Variants in ANK2 observed in about 807,000 individuals in gnomAD.
ANK2 encodes the protein ankyrin 2.
ANK2 carries 83 observed loss-of-function variants against 360.5 expected under a neutral mutation model. The observed-to-expected ratio is 0.23, with a 90% CI of 0.19 to 0.28. The LOEUF (loss-of-function observed/expected upper bound fraction) is 0.28, where lower values mean the gene tolerates loss of function less well. ANK2 is among the 10% of genes least tolerant of loss of function. ANK2 has a pLI of 1.00. For missense variants in ANK2, 4,201 were observed against 4,795.7 expected, an observed-to-expected ratio of 0.88 and a Z score of 3.66; for synonymous variants, 1,740 against 1,759.5, an observed-to-expected ratio of 0.99 and a Z score of 0.28.
intron 1 of ANK2, among the ~76,000 whole-genome samples, chr4:113,171,497 T>A (rs1480497029): frequency 6.6e-6 from 1 of 152,256 alleles, no homozygotes; most frequent in Non-Finnish European, 1.5e-5. Context: ...GACCATTTTA[T>A]GATAATATTT....
chr4:112,858,598 G>T (rs547915799), intron 1 of ANK2, among the ~76,000 whole-genome samples: 1 of 152,124 alleles, frequency 6.6e-6, no homozygotes, highest in Admixed American at 6.6e-5. Flanking sequence ...TCTGTTCTTC[G>T]CATTCTTAGT....
the ANK2 span, chr4:112,738,815 G>A: frequency 1.6e-6 from 1 of 626,924 alleles, no homozygotes; most frequent in Non-Finnish European, 3.0e-6. Context: ...TTCATAGAAG[G>A]TTCAAGGCCC....
intron 22 of ANK2, among the ~76,000 whole-genome samples, chr4:113,293,950 C>T (rs1282469363): frequency 6.6e-6 from 1 of 152,218 alleles, no homozygotes; most frequent in Non-Finnish European, 1.5e-5. Flanking sequence ...CTCCTCCCAA[C>T]ACTGTGCTCA....
At chr4:113,139,509 G>T (rs1163884770) in intron 1 of ANK2, among the ~76,000 whole-genome samples, 2 of 152,312 alleles carry the variant, frequency 1.3e-5, no homozygotes, top group Admixed American at 1.3e-4. Context: ...TAGTTCATCA[G>T]TTTGGGGGGA....
chr4:112,809,743 A>T, the ANK2 span, among the ~76,000 whole-genome samples: 1 of 148,990 alleles, frequency 6.7e-6, no homozygotes, highest in African/African-American at 2.5e-5. Context: ...CTGAGGTGGG[A>T]GGATCACCTG....
chr4:113,232,158 C>A lies in ANK2; in HGVS notation c.385-3C>A. ...GGTGTCTTTTTTTATTGCTTGTCCT[C>A]AGAATGGCTTTACTCCTTTATACAT... On this transcript the variant is annotated splice_region_variant and splice_polypyrimidine_tract_variant and intron_variant, in intron 4 of 45. Transcript: ENST00000357077. The A allele has an allele frequency of 6.4e-7, 1 of 1,567,244 alleles. No homozygotes were observed. Among genetic ancestry groups the A allele is most frequent in the Non-Finnish European group, 8.8e-7 (1 of 1,137,632 alleles).
chr4:113,000,210 T>G (rs2050123567), intron 2 of ANK2, among the ~76,000 whole-genome samples: 1 of 152,174 alleles, frequency 6.6e-6, no homozygotes, highest in African/African-American at 2.4e-5. Context: ...AGATAAGGGT[T>G]ATTTCAGTAA....
intron 11 of ANK2, among the ~76,000 whole-genome samples, chr4:113,256,867 G>C (rs1038654125): frequency 6.6e-6 from 1 of 152,146 alleles, no homozygotes; most frequent in East Asian, 1.9e-4. Flanking sequence ...ATGTAATTAT[G>C]TGAAAACATT....
At chr4:113,136,874 C>T (rs1481647376) in intron 1 of ANK2, among the ~76,000 whole-genome samples, 1 of 151,820 alleles carries the variant, frequency 6.6e-6, no homozygotes, top group African/African-American at 2.4e-5. Flanking sequence ...TCTCCTGCCT[C>T]AGCCTCTTGA....
At chr4:112,734,739 C>T in the ANK2 span, among the ~76,000 whole-genome samples, 1 of 152,098 alleles carries the variant, frequency 6.6e-6, no homozygotes, top group Non-Finnish European at 1.5e-5. Context: ...AGAAGTAATA[C>T]AGAGAAAAAG....
chr4:113,104,701 C>T (rs923580062), intron 1 of ANK2, among the ~76,000 whole-genome samples: 5 of 150,690 alleles, frequency 3.3e-5, no homozygotes, highest in African/African-American at 9.8e-5. Flanking sequence ...GGTGATAGAA[C>T]GAGATTCCAT....
At chr4:113,274,413 TC>T in intron 14 of ANK2, 38 bp from the exon 15 acceptor site, 1 of 1,599,028 alleles carries the variant, frequency 6.3e-7, no homozygotes, top group Non-Finnish European at 8.6e-7. Flanking sequence ...TGAAGTTCTG[TC>T]TGCCCGGCAC....
chr4:113,288,324 A>T, intron 19 of ANK2, 64 bp from the exon 20 acceptor site: 1 of 1,337,200 alleles, frequency 7.5e-7, no homozygotes, highest in Non-Finnish European at 1.1e-6. Flanking sequence ...CCTCTGGGGT[A>T]TTAACCACTA....
intron 22 of ANK2, among the ~76,000 whole-genome samples, chr4:113,298,424 T>A (rs1224529595): frequency 6.6e-6 from 1 of 152,162 alleles, no homozygotes; most frequent in East Asian, 1.9e-4. Context: ...TTATGTGATA[T>A]AAATGCAATT....
At chr4:113,314,357 A>G (rs1173262495) in intron 24 of ANK2, among the ~76,000 whole-genome samples, 2 of 152,234 alleles carry the variant, frequency 1.3e-5, no homozygotes, top group Non-Finnish European at 2.9e-5. Context: ...TTACCAAGAT[A>G]GTAATTATTA....
chr4:113,212,092 G>A (rs143720326), intron 4 of ANK2, among the ~76,000 whole-genome samples: 1 of 152,130 alleles, frequency 6.6e-6, no homozygotes, highest in East Asian at 1.9e-4. Context: ...GTCAGGCATT[G>A]CTTTCTTCAT....
intron 4 of ANK2, among the ~76,000 whole-genome samples, chr4:113,200,407 A>G (rs2098812755): frequency 6.6e-6 from 1 of 152,216 alleles, no homozygotes; most frequent in Non-Finnish European, 1.5e-5. Flanking sequence ...CGTTTGTTAC[A>G]TGGGTATATT....
At chr4:113,217,880 C>A (rs1277876187) in intron 4 of ANK2, among the ~76,000 whole-genome samples, 1 of 152,160 alleles carries the variant, frequency 6.6e-6, no homozygotes, top group Non-Finnish European at 1.5e-5. Flanking sequence ...GAGGTTTTAT[C>A]TTTGGCAAGT....
At chr4:112,985,087 A>G (rs988040871) in intron 2 of ANK2, among the ~76,000 whole-genome samples, 4 of 152,234 alleles carry the variant, frequency 2.6e-5, no homozygotes, top group Admixed American at 2.0e-4. Context: ...ATGTCATTCA[A>G]AACTGGACTG....
Sources: gnomAD v4.1 joint callset for allele counts (sites outside exome capture counted in the v4.1 genomes callset) on GRCh38, gnomAD v4.1.1 for gene constraint, MANE v1.5 for transcripts, NCBI Gene and HGNC (gene_info 2026-07-23, HGNC 2026-07-21) for gene names.